Variants in ARMH3 observed in about 807,000 individuals in gnomAD.
ARMH3 encodes armadillo-like helical domain-containing protein 3.
ARMH3 carries 60 observed loss-of-function variants against 99.1 expected under a neutral mutation model. The observed-to-expected ratio is 0.61, with a 90% confidence interval of 0.49 to 0.75. The LOEUF is 0.75. Ranked by LOEUF, ARMH3 falls within the 30% of genes least tolerant of loss-of-function variation. The pLI, the probability that ARMH3 is intolerant of heterozygous loss-of-function variation, is 0.00. For missense variants in ARMH3, 679 were observed against 843.1 expected, an observed-to-expected ratio of 0.81 and a Z score of 2.41; for synonymous variants, 285 against 292.8, an observed-to-expected ratio of 0.97 and a Z score of 0.27.
chr10:102,050,765 G>A (rs534065033), intron 1 of ARMH3, among the ~76,000 whole-genome samples: 22 of 151,110 alleles, frequency 1.5e-4, no homozygotes, highest in Non-Finnish European at 2.7e-4. Context: ...GCTGAGGCAC[G>A]AGAATTGCTT....
At chr10:101,974,092 A>C (rs915449740) in intron 20 of ARMH3, among the ~76,000 whole-genome samples, 1 of 152,098 alleles carries the variant, frequency 6.6e-6, no homozygotes, top group Non-Finnish European at 1.5e-5. Flanking sequence ...TCACACAATC[A>C]TACTCTCCTC....
chr10:102,023,329 T>A (rs2066929317), intron 8 of ARMH3, 148 bp downstream of exon 8: 1 of 713,552 alleles, frequency 1.4e-6, no homozygotes, highest in Non-Finnish European at 2.3e-6. Flanking sequence ...ATGCATTTAA[T>A]ATAGGATTTT....
At position 102,029,928 on chromosome 10, in the gene ARMH3, G is replaced by GT. The variant is rs965968395; in HGVS notation, c.307-184dup. Among the ~76,000 whole-genome samples the GT allele has an allele frequency of 1.3e-3, 188 of 142,114 alleles. 1 individual carries two copies. Among genetic ancestry groups the GT allele is most frequent in the South Asian group, 2.0e-3 (9 of 4,484 alleles). 93.2% of individuals were successfully genotyped at this position (142,114 alleles called of 152,430 possible). ...TTTGGTTCGGTTTTTTTGTTTGTTTGTTTTTTTTTTTGAGACAAGGTCTCG... is the reference window on the plus strand; with the variant it reads ...TTTGGTTCGGTTTTTTTGTTTGTTTGTTTTTTTTTTTTGAGACAAGGTCTCG... On this transcript the variant is annotated intron_variant, in intron 4 of 25. Coordinates refer to ENST00000370033, the MANE Select transcript of ARMH3 (RefSeq NM_024541.3).
chr10:101,981,062 G>T (rs907499784), intron 19 of ARMH3, among the ~76,000 whole-genome samples: 1 of 151,960 alleles, frequency 6.6e-6, no homozygotes, highest in African/African-American at 2.4e-5. Flanking sequence ...CCTGTTGGGG[G>T]GTTGGGGGGT....
intron 1 of ARMH3, among the ~76,000 whole-genome samples, chr10:102,047,550 G>C (rs187947192): frequency 8.9e-4 from 135 of 150,940 alleles, no homozygotes; most frequent in Non-Finnish European, 4.7e-4. Context: ...GCAGTGGCAT[G>C]ATCTCGGCTC....
chr10:101,881,579 A>G (rs1326483600), intron 24 of ARMH3, among the ~76,000 whole-genome samples: 1 of 152,174 alleles, frequency 6.6e-6, no homozygotes, highest in African/African-American at 2.4e-5. Flanking sequence ...ATTTTAAAAA[A>G]AAGATTTACC....
At chr10:102,022,016 T>G (rs747818498) in intron 8 of ARMH3, among the ~76,000 whole-genome samples, 2 of 152,114 alleles carry the variant, frequency 1.3e-5, no homozygotes, top group Non-Finnish European at 2.9e-5. Flanking sequence ...CATAAATAAT[T>G]ACTATTGTGT....
rs190856950 is a variant in ARMH3, at chr10:101,990,290, A to T, written c.1406+261T>A. Among the ~76,000 whole-genome samples the T allele has an allele frequency of 8.1e-4, 121 of 148,648 alleles. No homozygotes were observed. In the East Asian group the frequency reaches 0.019, roughly 23 times the overall value. ...GCTCCGCCTCCTGGGTTCACGCCAT[A>T]CTCCTGCCTCAGCCTCCCAAGTAGC... On this transcript the variant is annotated intron_variant, in intron 19 of 25. Transcript: ENST00000370033.
intron 20 of ARMH3, among the ~76,000 whole-genome samples, chr10:101,970,394 C>A (rs1053324210): frequency 3.3e-5 from 5 of 152,074 alleles, no homozygotes; most frequent in Non-Finnish European, 7.4e-5. Context: ...CTACTGGGTT[C>A]TATTATTATT....
chr10:102,008,063 C>T (rs934346753), intron 13 of ARMH3, among the ~76,000 whole-genome samples: 6 of 152,128 alleles, frequency 3.9e-5, no homozygotes, highest in African/African-American at 1.2e-4. Flanking sequence ...CCCTTTTCTT[C>T]CCTAACAGCT....
intron 23 of ARMH3, among the ~76,000 whole-genome samples, chr10:101,910,951 C>G (rs111657566): frequency 0.052 from 7,852 of 151,744 alleles, 225 homozygotes; most frequent in Middle Eastern, 0.095. Context: ...ATGAGCCTGG[C>G]CAACATGGTG....
chr10:101,969,507 G>A (rs570470047), intron 20 of ARMH3, among the ~76,000 whole-genome samples: 3 of 152,264 alleles, frequency 2.0e-5, no homozygotes, highest in Admixed American at 6.5e-5. Context: ...TCCAACGAAA[G>A]GCTCTCAATT....
chr10:101,881,588 C>A (rs1046787769), intron 24 of ARMH3, among the ~76,000 whole-genome samples: 1 of 152,004 alleles, frequency 6.6e-6, no homozygotes, highest in African/African-American at 2.4e-5. Context: ...AAAAGATTTA[C>A]CCAATAGGCC....
chr10:101,958,686 T>A (rs1845151533), intron 20 of ARMH3, among the ~76,000 whole-genome samples: 1 of 152,030 alleles, frequency 6.6e-6, no homozygotes, highest in African/African-American at 2.4e-5. Flanking sequence ...AGAAAAGGCT[T>A]GACCTCTCTT....
intron 20 of ARMH3, among the ~76,000 whole-genome samples, chr10:101,964,211 C>T (rs894185279): frequency 6.6e-6 from 1 of 151,976 alleles, no homozygotes; most frequent in South Asian, 2.1e-4. Flanking sequence ...GGTTTCGCCA[C>T]GTTGGCCAGG....
At chr10:101,937,390 G>A (rs1456609664) in intron 23 of ARMH3, among the ~76,000 whole-genome samples, 3 of 152,040 alleles carry the variant, frequency 2.0e-5, no homozygotes, top group Non-Finnish European at 2.9e-5. Flanking sequence ...CTGGTGGCAC[G>A]TGCCTATAGT....
intron 24 of ARMH3, among the ~76,000 whole-genome samples, chr10:101,852,945 G>A (rs570479113): frequency 1.3e-5 from 2 of 150,566 alleles, no homozygotes; most frequent in East Asian, 4.0e-4. Context: ...GTGCAATGGC[G>A]CTATCTCAGC....
At chr10:101,906,478 C>T (rs1488278644) in intron 23 of ARMH3, among the ~76,000 whole-genome samples, 1 of 152,098 alleles carries the variant, frequency 6.6e-6, no homozygotes, top group Non-Finnish European at 1.5e-5. Flanking sequence ...AGTTAGGAGG[C>T]TCTTATAACA....
intron 23 of ARMH3, among the ~76,000 whole-genome samples, chr10:101,928,069 AAAAAT>A (rs967170241): frequency 6.6e-6 from 1 of 152,224 alleles, no homozygotes; most frequent in African/African-American, 2.4e-5. Context: ...AGACTGTCTC[AAAAAT>A]AAAATAAAAT....
Sources: gnomAD v4.1 joint callset for allele counts (sites outside exome capture counted in the v4.1 genomes callset) on GRCh38, gnomAD v4.1.1 for gene constraint, MANE v1.5 for transcripts, NCBI Gene and HGNC (gene_info 2026-07-23, HGNC 2026-07-21) for gene names.